The following SLC35G2 variants were observed in gnomAD, a reference collection of about 807,000 sequenced individuals.
SLC35G2 encodes transmembrane protein 22.
Under a neutral mutation model 27.2 loss-of-function variants are expected in SLC35G2, and 20 were observed. The observed-to-expected ratio is 0.74, with a 90% CI of 0.52 to 1.07. The LOEUF is 1.07. SLC35G2 is among the 50% of genes least tolerant of loss of function. SLC35G2 has a pLI of 0.00. For synonymous variants in SLC35G2, 148 were observed against 165.3 expected, an observed-to-expected ratio of 0.90 and a Z score of 0.80; for missense variants, 416 against 493.3, an observed-to-expected ratio of 0.84 and a Z score of 1.48.
intron 1 of SLC35G2, among the ~76,000 whole-genome samples, chr3:136,849,401 T>C (rs1216702129): frequency 6.6e-6 from 1 of 151,976 alleles, no homozygotes; most frequent in African/African-American, 2.4e-5. Flanking sequence ...GAAACTAAAG[T>C]TTATGAAAAC....
At chr3:136,853,087 G>C (rs1937752874) in intron 1 of SLC35G2, among the ~76,000 whole-genome samples, 1 of 151,716 alleles carries the variant, frequency 6.6e-6, no homozygotes, top group African/African-American at 2.4e-5. Flanking sequence ...TTATATAGTG[G>C]ACATCGTTTT....
rs757797202 is a variant in SLC35G2 at position 136,854,443 on chromosome 3, AATTG to A, written c.-14_-11del. 1.7e-3 allele frequency: 2,570 copies of A among 1,542,634 alleles called. 3 individuals are homozygous for A. Among genetic ancestry groups the A allele is most frequent in the Non-Finnish European group, 2.1e-3 (2,409 of 1,142,536 alleles). On this transcript the variant is annotated splice_region_variant and 5_prime_UTR_variant, in exon 2 of 2. Coordinates refer to ENST00000446465, the MANE Select transcript of SLC35G2 (RefSeq NM_025246.3). ...TTTGTCAATTTTTTTCTTTAAATAG[AATTG>A]ATTATCTGAAGAAATGGATACTTCT... is the stretch of plus-strand genomic sequence containing the variant.
intron 1 of SLC35G2, among the ~76,000 whole-genome samples, chr3:136,836,194 A>G (rs903392220): frequency 1.3e-5 from 2 of 152,098 alleles, no homozygotes; most frequent in African/African-American, 4.8e-5. Flanking sequence ...ATTAAAACTC[A>G]TGAATTTACT....
chr3:136,835,313 T>C (rs1208892417), intron 1 of SLC35G2, among the ~76,000 whole-genome samples: 1 of 150,386 alleles, frequency 6.6e-6, no homozygotes, highest in Non-Finnish European at 1.5e-5. Flanking sequence ...TTTTCTTTTT[T>C]TTTTTTTTTT....
chr3:136,826,020 T>C (rs906007336), intron 1 of SLC35G2, among the ~76,000 whole-genome samples: 1 of 113,416 alleles, frequency 8.8e-6, no homozygotes, highest in African/African-American at 3.1e-5. Flanking sequence ...GGTCCTGGGC[T>C]TTTCTTTTCT....
At chr3:136,838,246 C>CATATATATATATATATATATATATAT (rs6148084) in intron 1 of SLC35G2, 1 of 140,992 alleles carries the variant, frequency 7.1e-6, no homozygotes, top group African/African-American at 2.7e-5. Flanking sequence ...GTAGCATATA[C>CATATATATATATATATATATATATAT]ATATATATAT....
chr3:136,848,808 G>A (rs544856404), intron 1 of SLC35G2, among the ~76,000 whole-genome samples: 2 of 152,278 alleles, frequency 1.3e-5, no homozygotes, highest in South Asian at 2.1e-4. Flanking sequence ...GGAAGAGAGG[G>A]TTAAAAAATT....
At chr3:136,853,758 C>T (rs1343558296) in intron 1 of SLC35G2, among the ~76,000 whole-genome samples, 2 of 152,042 alleles carry the variant, frequency 1.3e-5, no homozygotes, top group African/African-American at 4.8e-5. Flanking sequence ...GTGATCATCT[C>T]TTTAGCATAA....
At chr3:136,821,829 A>G (rs1032399574) in intron 1 of SLC35G2, among the ~76,000 whole-genome samples, 1 of 152,188 alleles carries the variant, frequency 6.6e-6, no homozygotes, top group African/African-American at 2.4e-5. Flanking sequence ...GAGCTTATGC[A>G]TCTTGCTTGA....
intron 1 of SLC35G2, among the ~76,000 whole-genome samples, chr3:136,848,059 T>G (rs1235198517): frequency 6.6e-6 from 1 of 152,042 alleles, no homozygotes; most frequent in Non-Finnish European, 1.5e-5. Context: ...CCACAGGCAG[T>G]AAAGAAAAAA....
intron 1 of SLC35G2, among the ~76,000 whole-genome samples, chr3:136,851,180 A>G (rs1450117863): frequency 2.6e-5 from 4 of 151,882 alleles, no homozygotes; most frequent in Admixed American, 2.0e-4. Context: ...AAAAGACAGA[A>G]TTTGTACTGG....
intron 1 of SLC35G2, among the ~76,000 whole-genome samples, chr3:136,830,292 A>AT (rs111647858): frequency 4.9e-5 from 7 of 143,744 alleles, no homozygotes; most frequent in East Asian, 2.1e-4. Flanking sequence ...TATTATTATT[A>AT]TTTTTTTTGA....
intron 1 of SLC35G2, among the ~76,000 whole-genome samples, chr3:136,847,342 A>T (rs1937431466): frequency 6.6e-6 from 1 of 152,168 alleles, no homozygotes; most frequent in Non-Finnish European, 1.5e-5. Context: ...TCTCCCACAT[A>T]AGGGATTTGT....
chr3:136,830,488 T>C (rs1174018891), intron 1 of SLC35G2, among the ~76,000 whole-genome samples: 1 of 152,182 alleles, frequency 6.6e-6, no homozygotes, highest in Non-Finnish European at 1.5e-5. Context: ...TTTCACCGCG[T>C]TAGCCAGGAT....
At chr3:136,829,958 CTT>C (rs146386062) in intron 1 of SLC35G2, among the ~76,000 whole-genome samples, 2,356 of 152,162 alleles carry the variant, frequency 0.015, 71 homozygotes, top group African/African-American at 0.054. Context: ...ACGTTGATCT[CTT>C]TCTCTAGGTT....
intron 1 of SLC35G2, among the ~76,000 whole-genome samples, chr3:136,841,451 G>A (rs749915597): frequency 2.0e-5 from 3 of 152,016 alleles, no homozygotes; most frequent in Non-Finnish European, 2.9e-5. Context: ...GAGTCCAGCC[G>A]GACATGGTGG....
intron 1 of SLC35G2, among the ~76,000 whole-genome samples, chr3:136,836,212 C>G (rs1284172337): frequency 6.6e-6 from 1 of 152,130 alleles, no homozygotes; most frequent in Non-Finnish European, 1.5e-5. Context: ...ACTCCAATAT[C>G]TCTAGCTCTA....
At chr3:136,820,721 T>G (rs781495418) in intron 1 of SLC35G2, among the ~76,000 whole-genome samples, 2 of 152,226 alleles carry the variant, frequency 1.3e-5, no homozygotes, top group Non-Finnish European at 2.9e-5. Flanking sequence ...TAATCCATCT[T>G]TATTTTTTGA....
chr3:136,823,943 ATGT>A (rs934990161), intron 1 of SLC35G2, among the ~76,000 whole-genome samples: 113 of 151,756 alleles, frequency 7.4e-4, no homozygotes, highest in Non-Finnish European at 1.5e-3. Flanking sequence ...CTGCATATGG[ATGT>A]TGTTTTCCCG....
Sources: allele counts gnomAD v4.1 joint callset (sites outside exome capture counted in the v4.1 genomes callset), GRCh38; gene constraint gnomAD v4.1.1; transcripts MANE v1.5; gene names NCBI Gene and HGNC (gene_info 2026-07-23, HGNC 2026-07-21).